Variants in RGS7 observed in about 807,000 individuals in gnomAD.
The protein encoded by RGS7 is regulator of G protein signaling 7.
A neutral mutation model predicts 81.1 loss-of-function variants in RGS7; 27 were observed. That is an observed-to-expected ratio of 0.33 (90% CI 0.25 to 0.46). RGS7 has a LOEUF of 0.46. RGS7 is among the 20% of genes least tolerant of loss of function. The probability of loss-of-function intolerance (pLI) is 1.00; values close to 1 mark genes in which losing one functional copy is unlikely to be tolerated. For missense variants in RGS7, 396 were observed against 607.4 expected, an observed-to-expected ratio of 0.65 and a Z score of 3.66; for synonymous variants, 208 against 207.7, an observed-to-expected ratio of 1.00 and a Z score of -0.01.
chr1:241,151,652 G>A (rs1200704079), intron 2 of RGS7, among the ~76,000 whole-genome samples: 1 of 149,264 alleles, frequency 6.7e-6, no homozygotes, highest in African/African-American at 2.5e-5. Context: ...CACATGCCAT[G>A]GGTTTGCTGC....
chr1:240,890,037 A>T (rs1233796443), intron 6 of RGS7, among the ~76,000 whole-genome samples: 3 of 152,232 alleles, frequency 2.0e-5, no homozygotes, highest in Admixed American at 6.5e-5. Context: ...ACTGGTTTGC[A>T]GAGACTTCCC....
At chr1:240,859,433 C>CTG (rs1661746063) in intron 9 of RGS7, among the ~76,000 whole-genome samples, 1 of 126,884 alleles carries the variant, frequency 7.9e-6, no homozygotes, top group African/African-American at 3.0e-5. Context: ...TTCTTTCTTT[C>CTG]TTTCCTGTTT....
chr1:241,147,307 A>C (rs757478198), intron 2 of RGS7, among the ~76,000 whole-genome samples: 2 of 152,210 alleles, frequency 1.3e-5, no homozygotes, highest in Non-Finnish European at 2.9e-5. Context: ...ATTTGTAGCC[A>C]GTGTGATCAT....
chr1:241,246,508 A>C (rs2076555698), intron 2 of RGS7, among the ~76,000 whole-genome samples: 1 of 152,122 alleles, frequency 6.6e-6, no homozygotes, highest in South Asian at 2.1e-4. Flanking sequence ...ACTAATACGA[A>C]GTTTAAGAAG....
At chr1:240,921,839 G>A (rs1673597354) in intron 6 of RGS7, among the ~76,000 whole-genome samples, 1 of 152,032 alleles carries the variant, frequency 6.6e-6, no homozygotes, top group Non-Finnish European at 1.5e-5. Context: ...AACTTGACCT[G>A]TGAATTCAAT....
intron 3 of RGS7, among the ~76,000 whole-genome samples, chr1:241,060,816 A>G (rs1363805880): frequency 6.6e-6 from 1 of 152,224 alleles, no homozygotes; most frequent in Non-Finnish European, 1.5e-5. Flanking sequence ...CATAAACCTT[A>G]AAACAAAGCT....
chr1:241,257,185 A>G (rs2077094346), intron 2 of RGS7, among the ~76,000 whole-genome samples: 1 of 152,124 alleles, frequency 6.6e-6, no homozygotes, highest in African/African-American at 2.4e-5. Context: ...GATGGTGGGA[A>G]GTCCGAGATC....
rs543010004 is a variant in RGS7 at position 241,043,326 on chromosome 1, T to C, written c.175+55340A>G. Among the ~76,000 whole-genome samples, 18 of 152,058 alleles carry C rather than the reference T, an allele frequency of 1.2e-4. No homozygotes were observed. The East Asian group carries it at 3.5e-3, about 29-fold the overall frequency. On this transcript the variant is annotated intron_variant, in intron 3 of 18. Coordinates refer to ENST00000440928, the MANE Select transcript of RGS7 (RefSeq NM_001364886.1). Reference sequence around the variant, plus strand: ...TGTGTAGCTGTTGCTTCATTGTCTTTGGGACACAATGCTGCTAAGGAAAAA... The same window carrying C: ...TGTGTAGCTGTTGCTTCATTGTCTTCGGGACACAATGCTGCTAAGGAAAAA...
chr1:240,893,031 T>C (rs887998698), intron 6 of RGS7, among the ~76,000 whole-genome samples: 11 of 152,100 alleles, frequency 7.2e-5, no homozygotes, highest in Non-Finnish European at 1.2e-4. Flanking sequence ...AATATCTAGT[T>C]AAGTGATAAA....
At chr1:241,221,835 C>T (rs545908359) in intron 2 of RGS7, among the ~76,000 whole-genome samples, 3 of 152,300 alleles carry the variant, frequency 2.0e-5, no homozygotes, top group African/African-American at 7.2e-5. Context: ...AAATTATAGA[C>T]TTGCTAGCCT....
rs559669485 is a variant in RGS7 at position 240,806,381 on chromosome 1, C to G, written c.1083-55G>C. 79 of 1,550,898 alleles carry G rather than the reference C, an allele frequency of 5.1e-5. 1 individual carries two copies. The East Asian group carries it at 1.8e-3, about 35-fold the overall frequency. ...TCTGATGGCCCATCATCTGAAAATT[C>G]TTGTGACATTTACGGATCATGCAGT... On this transcript the variant is annotated intron_variant, in intron 14 of 18. Coordinates refer to ENST00000440928, the MANE Select transcript of RGS7 (RefSeq NM_001364886.1).
intron 2 of RGS7, among the ~76,000 whole-genome samples, chr1:241,270,171 T>C (rs1458584434): frequency 1.3e-5 from 2 of 152,204 alleles, no homozygotes; most frequent in East Asian, 1.9e-4. Context: ...TTATCAATGC[T>C]GGCCCCTGCA....
chr1:240,829,852 A>G lies in RGS7; in HGVS notation c.610-2680T>C, dbSNP rs57281365. On this transcript the variant is annotated intron_variant, in intron 9 of 18. Transcript: ENST00000440928. ...AGCCAAGTATGATAAGATGTGTCAT[A>G]GAGATTTTCTTCCATATGTTAAGGG... Among the ~76,000 whole-genome samples, 1,011 of 152,232 alleles carry G rather than the reference A, an allele frequency of 6.6e-3. 8 individuals are homozygous for G. Among genetic ancestry groups the G allele is most frequent in the African/African-American group, 0.022 (895 of 41,538 alleles).
chr1:240,947,642 C>T (rs1270242315), intron 4 of RGS7, among the ~76,000 whole-genome samples: 1 of 152,182 alleles, frequency 6.6e-6, no homozygotes, highest in Non-Finnish European at 1.5e-5. Flanking sequence ...CCAGTCCAAC[C>T]TCATATCATC....
chr1:240,909,567 A>G (rs1285969414), intron 6 of RGS7, among the ~76,000 whole-genome samples: 1 of 152,210 alleles, frequency 6.6e-6, no homozygotes, highest in Non-Finnish European at 1.5e-5. Context: ...TCTAAATGCT[A>G]GCATGGATGG....
intron 4 of RGS7, among the ~76,000 whole-genome samples, chr1:240,941,407 G>A (rs1456590671): frequency 7.2e-6 from 1 of 139,094 alleles, no homozygotes; most frequent in East Asian, 1.9e-4. Context: ...AAGTTGGGGT[G>A]AATTTTTTGC....
intron 9 of RGS7, among the ~76,000 whole-genome samples, chr1:240,865,010 A>C (rs1043812294): frequency 1.3e-5 from 2 of 152,044 alleles, no homozygotes; most frequent in Non-Finnish European, 2.9e-5. Flanking sequence ...TTTCACGAAG[A>C]AAGCTGAAAA....
intron 2 of RGS7, among the ~76,000 whole-genome samples, chr1:241,134,917 G>A (rs1011447460): frequency 6.6e-6 from 1 of 152,020 alleles, no homozygotes; most frequent in Non-Finnish European, 1.5e-5. Context: ...ACGACAGCCG[G>A]CCGGAAGACA....
At chr1:241,040,479 T>A (rs998665922) in intron 3 of RGS7, among the ~76,000 whole-genome samples, 40 of 151,230 alleles carry the variant, frequency 2.6e-4, no homozygotes, top group South Asian at 1.7e-3. Flanking sequence ...TTACTTTTCT[T>A]TTTATTTATT....
Sources: gnomAD v4.1 joint callset for allele counts (sites outside exome capture counted in the v4.1 genomes callset) on GRCh38, gnomAD v4.1.1 for gene constraint, MANE v1.5 for transcripts, NCBI Gene and HGNC (gene_info 2026-07-23, HGNC 2026-07-21) for gene names.